The following SLC24A2 variants were observed in gnomAD, a reference collection of about 807,000 sequenced individuals.
The protein encoded by SLC24A2 is sodium/potassium/calcium exchanger 2.
Under a neutral mutation model 62.0 loss-of-function variants are expected in SLC24A2, and 36 were observed. The observed-to-expected ratio is 0.58, with a 90% CI of 0.44 to 0.77. The LOEUF (loss-of-function observed/expected upper bound fraction) is 0.77, where lower values mean the gene tolerates loss of function less well. Ranked by LOEUF, SLC24A2 falls within the 30% of genes least tolerant of loss-of-function variation. The pLI is 0.00. For synonymous variants in SLC24A2, 358 were observed against 294.0 expected (o/e 1.22, Z -2.23); for missense variants, 846 against 817.9 (o/e 1.03, Z -0.42).
chr9:20,047,959 T>C, the SLC24A2 span, among the ~76,000 whole-genome samples: 1 of 152,090 alleles, frequency 6.6e-6, no homozygotes, highest in African/African-American at 2.4e-5. Flanking sequence ...AGGTTAGTAG[T>C]TAGGTTGAAG....
At chr9:19,758,283 T>C (rs1822206786) in intron 2 of SLC24A2, among the ~76,000 whole-genome samples, 1 of 152,244 alleles carries the variant, frequency 6.6e-6, no homozygotes, top group South Asian at 2.1e-4. Flanking sequence ...CCAATAGACA[T>C]GGAGTCCAGG....
At chr9:19,687,930 A>C (rs1294062709) in intron 2 of SLC24A2, among the ~76,000 whole-genome samples, 1 of 152,030 alleles carries the variant, frequency 6.6e-6, no homozygotes, top group African/African-American at 2.4e-5. Context: ...CCTTTGCCCC[A>C]TGTGTGTCTT....
At chr9:19,702,944 TA>T (rs921169802) in intron 2 of SLC24A2, among the ~76,000 whole-genome samples, 5 of 145,414 alleles carry the variant, frequency 3.4e-5, no homozygotes, top group African/African-American at 7.4e-5. Context: ...TATTTGCAAA[TA>T]AAAAATAATA....
intron 2 of SLC24A2, among the ~76,000 whole-genome samples, chr9:19,780,590 A>G (rs1822986018): frequency 6.6e-6 from 1 of 151,778 alleles, no homozygotes. Context: ...TTCTAAGGCA[A>G]GCATCAAGAT....
Position 19,558,427 on chromosome 9 carries a change from G to A in SLC24A2, c.1348-8159C>T, listed in dbSNP as rs546975986. On this transcript the variant is annotated intron_variant, in intron 7 of 10. Coordinates refer to ENST00000341998, the MANE Select transcript of SLC24A2 (RefSeq NM_020344.4). The stretch of plus-strand genomic sequence containing the variant: ...AAGGTATAGAGATTTAGCTCAGTCT[G>A]ATGTAGGGAGGAGGTGGCAACCAAG... 5.3e-5 allele frequency among the ~76,000 whole-genome samples: 8 copies of A among 152,350 alleles called. No homozygotes were observed. The East Asian group carries it at 1.3e-3, about 26-fold the overall frequency.
At chr9:20,243,767 C>T in the SLC24A2 span, among the ~76,000 whole-genome samples, 1 of 152,118 alleles carries the variant, frequency 6.6e-6, no homozygotes, top group South Asian at 2.1e-4. Flanking sequence ...CATATGACCT[C>T]ACTTTTTGGG....
chr9:19,562,168 TG>T (rs763513057), intron 7 of SLC24A2, among the ~76,000 whole-genome samples: 7 of 152,216 alleles, frequency 4.6e-5, no homozygotes, highest in African/African-American at 7.2e-5. Flanking sequence ...GTTGTTTTCA[TG>T]GGCTTTGTAA....
In SLC24A2 at chr9:19,786,401, A is replaced by G; in HGVS notation, c.466T>C (p.Phe156Leu). ...FIALAIVCDE[F>L]FVPSLTVITE... is the part of the protein sequence containing the mutation. ...ATGACAGTCAAAGAAGGAACAAAGA[A>G]CTCATCACAGACAATGGCTAAGGCT... The change falls in exon 2 of 11, where the codon TTC becomes CTC. Residue 156 changes from phenylalanine (F) to leucine (L), a missense_variant. Phe to Leu is a conservative substitution (Grantham distance 22). Coordinates refer to ENST00000341998, the MANE Select transcript of SLC24A2 (RefSeq NM_020344.4). This position sits in a 1 kb window ranked among gnomAD's most constrained non-coding sequence, Gnocchi z 5.0. 6.2e-7 allele frequency: 1 copy of G among 1,614,182 alleles called. No individual in the cohort carries two copies. The highest frequency in any genetic ancestry group is 8.5e-7 in the Non-Finnish European group (1 of 1,180,040).
At chr9:20,262,945 G>A in the SLC24A2 span, among the ~76,000 whole-genome samples, 20 of 152,206 alleles carry the variant, frequency 1.3e-4, no homozygotes, top group African/African-American at 4.6e-4. Context: ...TCTTCCCAAT[G>A]CTTGGCAGAG....
At chr9:19,940,936 AG>A in the SLC24A2 span, among the ~76,000 whole-genome samples, 32 of 152,264 alleles carry the variant, frequency 2.1e-4, no homozygotes, top group South Asian at 6.2e-3. Flanking sequence ...CTTTCCTTTC[AG>A]GGAGATAAAG....
chr9:20,025,577 A>G, the SLC24A2 span, among the ~76,000 whole-genome samples: 4 of 152,196 alleles, frequency 2.6e-5, no homozygotes, highest in African/African-American at 9.7e-5. Context: ...ACACTTATTA[A>G]TCAGTTACCA....
intron 2 of SLC24A2, among the ~76,000 whole-genome samples, chr9:19,677,367 G>T (rs1184194257): frequency 6.6e-6 from 1 of 152,148 alleles, no homozygotes. Context: ...CTTACAAGTA[G>T]GAAACTAAAT....
the SLC24A2 span, among the ~76,000 whole-genome samples, chr9:19,884,167 T>A: frequency 6.6e-6 from 1 of 152,244 alleles, no homozygotes; most frequent in Non-Finnish European, 1.5e-5. Flanking sequence ...GAAATTCATC[T>A]ATAATGATCT....
At chr9:20,214,225 A>G in the SLC24A2 span, among the ~76,000 whole-genome samples, 5 of 152,280 alleles carry the variant, frequency 3.3e-5, no homozygotes, top group East Asian at 9.7e-4. Context: ...GGGAGCTACT[A>G]CTCAGTAGGC....
In SLC24A2 at chr9:19,599,741, T is replaced by A. The variant is rs1836794808; in HGVS notation, c.1079-2462A>T. On this transcript the variant is annotated intron_variant, in intron 4 of 10. Coordinates refer to ENST00000341998, the MANE Select transcript of SLC24A2 (RefSeq NM_020344.4). The surrounding 1 kb of genome is among the most constrained non-coding windows in gnomAD (Gnocchi z 4.5). Reference sequence around the variant, plus strand: ...AAAGCATGCATGCATAAACCAGAGCTCATCATGCACTTGGCTGGGGTCCTA... The same window carrying A: ...AAAGCATGCATGCATAAACCAGAGCACATCATGCACTTGGCTGGGGTCCTA... Among the ~76,000 whole-genome samples the A allele has an allele frequency of 6.6e-6, 1 of 152,026 alleles. No individual in the cohort carries two copies. Among genetic ancestry groups the A allele is most frequent in the South Asian group, 2.1e-4 (1 of 4,806 alleles).
chr9:19,543,841 T>A (rs894437222), intron 8 of SLC24A2, among the ~76,000 whole-genome samples: 6 of 152,216 alleles, frequency 3.9e-5, no homozygotes, highest in Non-Finnish European at 4.4e-5. Context: ...AGGAGTGTTT[T>A]ACTTCCAATT....
the SLC24A2 span, among the ~76,000 whole-genome samples, chr9:20,302,103 A>G: frequency 1.3e-5 from 2 of 152,232 alleles, no homozygotes; most frequent in Admixed American, 1.3e-4. Flanking sequence ...ATTCCATTGC[A>G]TGGACATACC....
At chr9:19,834,214 A>G in the SLC24A2 span, among the ~76,000 whole-genome samples, 1 of 152,222 alleles carries the variant, frequency 6.6e-6, no homozygotes, top group Admixed American at 6.5e-5. Context: ...AATGGAACAA[A>G]GCTGGATGGA....
the SLC24A2 span, among the ~76,000 whole-genome samples, chr9:19,819,507 A>C: frequency 6.6e-6 from 1 of 151,706 alleles, no homozygotes; most frequent in East Asian, 1.9e-4. Flanking sequence ...TAAGATCAAA[A>C]TCAGTAAGAA....
Sources: gnomAD v4.1 joint callset for allele counts (sites outside exome capture counted in the v4.1 genomes callset) on GRCh38, gnomAD v4.1.1 for gene constraint, Gnocchi (gnomAD v3.1) non-coding constraint, MANE v1.5 for transcripts, NCBI Gene and HGNC (gene_info 2026-07-23, HGNC 2026-07-21) for gene names.